MTO1: variants seen among roughly 807,000 people sequenced by gnomAD.
MTO1 encodes mitochondrial tRNA translation optimization 1, also known as 5-taurinomethyluridine-[tRNA] synthase subunit MTO1, mitochondrial.
In MTO1, 46 loss-of-function variants were observed where a neutral mutation model predicts 71.6. The ratio of observed to expected loss-of-function variants is 0.64; its 90% CI spans 0.51 to 0.82. MTO1 has a LOEUF of 0.82. MTO1 is among the 40% of genes least tolerant of loss of function. The probability of loss-of-function intolerance (pLI) is 0.00; values close to 1 mark genes in which losing one functional copy is unlikely to be tolerated. For missense variants in MTO1, 773 were observed against 867.5 expected (o/e 0.89, Z 1.37); for synonymous variants, 297 against 312.1 (o/e 0.95, Z 0.51).
intron 3 of MTO1, among the ~76,000 whole-genome samples, chr6:73,466,848 T>C (rs1443470329): frequency 6.6e-6 from 1 of 152,138 alleles, no homozygotes; most frequent in Non-Finnish European, 1.5e-5. Context: ...CTTTGTAATC[T>C]GCATATTTAT....
chr6:73,471,503 C>T (rs1452131538), intron 3 of MTO1: 1 of 447,234 alleles, frequency 2.2e-6, no homozygotes. Flanking sequence ...TAGCCTCGAC[C>T]ACCTGGACCC....
chr6:73,465,310 C>T (rs1421429688), intron 1 of MTO1, among the ~76,000 whole-genome samples: 1 of 151,786 alleles, frequency 6.6e-6, no homozygotes, highest in Non-Finnish European at 1.5e-5. Context: ...ATTACAGGTG[C>T]AAACTGCCAT....
Position 73,503,521 on chromosome 6 carries a change from G to A in MTO1, c.*2786G>A, listed in dbSNP as rs1320938926. The A allele has an allele frequency of 1.3e-5, 2 of 152,180 alleles. No homozygotes were observed. The highest frequency in any genetic ancestry group is 2.4e-5 in the African/African-American group (1 of 41,456). The allele number at this position is 152,180 out of a possible 1,614,324, so 9.4% of individuals were successfully genotyped here. A position where few individuals can be genotyped will look rare whatever the true frequency, so the allele number is the denominator to read the frequency against. ...GGTGCTGCTATGCAGAAGTACTACA[G>A]AATATGATGCCCTAGGAAGAAATCA... On this transcript the variant is annotated 3_prime_UTR_variant, in exon 12 of 12. Transcript: ENST00000498286.
chr6:73,486,324 G>A (rs1771651803), intron 9 of MTO1, among the ~76,000 whole-genome samples: 1 of 152,036 alleles, frequency 6.6e-6, no homozygotes, highest in Admixed American at 6.6e-5. Context: ...AGATCTCCAG[G>A]ACTTTTTCAT....
At chr6:73,477,794 A>G (rs1771369848) in intron 4 of MTO1, among the ~76,000 whole-genome samples, 1 of 152,062 alleles carries the variant, frequency 6.6e-6, no homozygotes, top group Non-Finnish European at 1.5e-5. Context: ...AGTATGAGCC[A>G]CCAAGCCTAG....
Position 73,480,037 on chromosome 6 carries a change from A to G in MTO1, c.1040A>G (p.Gln347Arg), listed in dbSNP as rs1771440974. The change falls in exon 6 of 12, where the codon CAG becomes CGG. Residue 347 changes from glutamine to arginine, a missense_variant. Physicochemically the swap from Gln to Arg is conservative, Grantham distance 43. Coordinates refer to ENST00000498286, the MANE Select transcript of MTO1 (RefSeq NM_012123.4). ...EGMDSDLIYP[Q>R]GLSMTLPAEL... ...ATGGATTCTGACCTTATCTACCCAC[A>G]GGGGTTATCTATGACGCTACCAGCT... 3 of 1,614,058 alleles carry G rather than the reference A, an allele frequency of 1.9e-6. No homozygotes were observed. Among genetic ancestry groups the G allele is most frequent in the Non-Finnish European group, 8.5e-7 (1 of 1,180,024 alleles).
At position 73,500,718 on chromosome 6, in the gene MTO1, CAA is replaced by C. The variant is rs1772137260; in HGVS notation, c.2063_2064del (p.Gln688ArgfsTer10). 1 of 1,594,234 alleles carries C rather than the reference CAA, an allele frequency of 6.3e-7. No homozygotes were observed. The highest frequency in any genetic ancestry group is 8.5e-7 in the Non-Finnish European group (1 of 1,171,296). ...ATACTTATGTGATGCAGACAGACTT[CAA>C]GAGAGAGAGTTATAGCTTTCAATTC... ...DQYLCDADRLQEREL is the reference protein window; with the variant it reads ...DQYLCDADRLXEREL On this transcript the variant is annotated frameshift_variant, in exon 12 of 12. Coordinates refer to ENST00000498286, the MANE Select transcript of MTO1 (RefSeq NM_012123.4). LOFTEE classifies it high-confidence loss of function.
rs1302793000 is a variant in MTO1 at position 73,501,741 on chromosome 6, C to G, written c.*1006C>G. ...CCCTGCTTGTCTCTGGAATTCCAAC[C>G]CAGATCTCTGGTGTCAGCCTAGGGA... is the stretch of plus-strand genomic sequence containing the variant. On this transcript the variant is annotated 3_prime_UTR_variant, in exon 12 of 12. Coordinates refer to ENST00000498286, the MANE Select transcript of MTO1 (RefSeq NM_012123.4). 3 of 152,204 alleles carry G rather than the reference C, an allele frequency of 2.0e-5. No individual in the cohort carries two copies. Among genetic ancestry groups the G allele is most frequent in the Non-Finnish European group, 4.4e-5 (3 of 68,070 alleles). 9.4% of individuals were successfully genotyped at this position (152,204 alleles called of 1,614,324 possible). A position where few individuals can be genotyped will look rare whatever the true frequency, so the allele number is the denominator to read the frequency against.
chr6:73,480,189 G>C (rs939012774), intron 6 of MTO1, 63 bp downstream of exon 6: 6 of 1,488,550 alleles, frequency 4.0e-6, no homozygotes, highest in Non-Finnish European at 5.6e-6. Context: ...TCAGTGAGGA[G>C]GCCTTAGCTA....
intron 9 of MTO1, chr6:73,491,997 G>A (rs2150042143): frequency 2.8e-6 from 1 of 358,416 alleles, no homozygotes; most frequent in Middle Eastern, 9.0e-4. Flanking sequence ...AGCTACTAGG[G>A]AGTCTGAGGC....
intron 7 of MTO1, 45 bp downstream of exon 7, chr6:73,480,850 C>G: frequency 6.3e-7 from 1 of 1,589,896 alleles, no homozygotes; most frequent in East Asian, 2.3e-5. Context: ...GACTATTTAA[C>G]TGGTATTTCT....
At chr6:73,473,327 C>T (rs751398669) in intron 3 of MTO1, 38 bp from the exon 4 acceptor site, 15 of 1,539,434 alleles carry the variant, frequency 9.7e-6, no homozygotes, top group Non-Finnish European at 1.3e-5. Context: ...TACATAGATA[C>T]ATAGATAATG....
intron 4 of MTO1, among the ~76,000 whole-genome samples, chr6:73,478,460 C>T (rs915233565): frequency 3.9e-5 from 6 of 152,010 alleles, no homozygotes; most frequent in African/African-American, 1.4e-4. Context: ...TGAGTGTTAT[C>T]CTGATGTATG....
At chr6:73,470,689 C>A (rs6453675) in intron 3 of MTO1, among the ~76,000 whole-genome samples, 1 of 152,046 alleles carries the variant, frequency 6.6e-6, no homozygotes, top group Non-Finnish European at 1.5e-5. Flanking sequence ...GATTATGGCT[C>A]ACACCTATAA....
intron 3 of MTO1, among the ~76,000 whole-genome samples, chr6:73,468,609 TTTTA>T (rs997167790): frequency 1.3e-5 from 2 of 151,574 alleles, no homozygotes; most frequent in African/African-American, 2.4e-5. Context: ...AATTGCTTTA[TTTTA>T]TTTATTTATT....
chr6:73,497,800 T>A lies in MTO1; in HGVS notation c.1821T>A (p.Ala607=). The A allele has an allele frequency of 6.2e-7, 1 of 1,613,924 alleles. No homozygotes were observed. The highest frequency in any genetic ancestry group is 8.5e-7 in the Non-Finnish European group (1 of 1,179,860). Residue 607 remains alanine, a synonymous_variant, in exon 11 of 12, where the codon GCT becomes GCA. Transcript: ENST00000498286. ...QEIKGVQQDE[A]LQLPKDLDYL... is the part of the protein sequence containing the mutation. ...TAAAGGGAGTTCAGCAAGATGAAGC[T>A]CTCCAACTGCCAAAAGACCTAGATT...
Position 73,497,293 on chromosome 6 carries a change from C to G in MTO1, c.1757-443C>G, listed in dbSNP as rs556607950. Among the ~76,000 whole-genome samples, 54 of 150,778 alleles carry G rather than the reference C, an allele frequency of 3.6e-4. 1 individual carries two copies. In the South Asian group the frequency reaches 0.01, roughly 28 times the overall value. On this transcript the variant is annotated intron_variant, in intron 10 of 11. Transcript: ENST00000498286. ...TCAGCCTCCCGAGTAGCTGGGATTACAGGTGGATGCCACCACGCCTGGCTA... is the reference window on the plus strand; with the variant it reads ...TCAGCCTCCCGAGTAGCTGGGATTAGAGGTGGATGCCACCACGCCTGGCTA...
At chr6:73,475,087 A>G (rs1275232951) in intron 4 of MTO1, among the ~76,000 whole-genome samples, 1 of 151,646 alleles carries the variant, frequency 6.6e-6, no homozygotes, top group Non-Finnish European at 1.5e-5. Flanking sequence ...ATAACCTTAC[A>G]TATTTTGTAA....
At chr6:73,467,644 T>TAAATAAATAAATAAATAAATAAATAA (rs1373451890) in intron 3 of MTO1, among the ~76,000 whole-genome samples, 3 of 52,220 alleles carry the variant, frequency 5.7e-5, no homozygotes, top group Non-Finnish European at 1.5e-4. Context: ...TAAATAAATA[T>TAAATAAATAAATAAATAAATAAATAA]AAAAGAAATT....
Sources: allele counts gnomAD v4.1 joint callset (sites outside exome capture counted in the v4.1 genomes callset), GRCh38; gene constraint gnomAD v4.1.1; transcripts MANE v1.5; gene names NCBI Gene and HGNC (gene_info 2026-07-23, HGNC 2026-07-21).